DSCAM: variants seen among roughly 807,000 people sequenced by gnomAD.
DSCAM encodes the protein DS cell adhesion molecule, also known as cell adhesion molecule DSCAM.
Under a neutral mutation model 217.7 loss-of-function variants are expected in DSCAM, and 47 were observed. That is an observed-to-expected ratio of 0.22 (90% confidence interval 0.17 to 0.28). The LOEUF is 0.28. Among genes scored for constraint, DSCAM ranks in the 10% least tolerant of loss-of-function variants. The pLI is 1.00. For synonymous variants in DSCAM, 1,056 were observed against 1,015.3 expected (o/e 1.04, Z -0.76); for missense variants, 2,080 against 2,618.3 (o/e 0.79, Z 4.49).
intron 11 of DSCAM, among the ~76,000 whole-genome samples, chr21:40,265,254 C>T (rs962331554): frequency 2.0e-5 from 3 of 149,302 alleles, no homozygotes; most frequent in Admixed American, 6.7e-5. Context: ...GAAAATAAAA[C>T]ACTTTATTTT....
intron 3 of DSCAM, among the ~76,000 whole-genome samples, chr21:40,493,102 A>C (rs1226614465): frequency 6.6e-6 from 1 of 152,202 alleles, no homozygotes; most frequent in Non-Finnish European, 1.5e-5. Context: ...TGAAAGAAAA[A>C]ACTGCCAATT....
At chr21:40,749,615 G>C (rs138705576) in intron 1 of DSCAM, among the ~76,000 whole-genome samples, 3 of 152,274 alleles carry the variant, frequency 2.0e-5, no homozygotes, top group African/African-American at 7.2e-5. Flanking sequence ...GCTCTTCCAC[G>C]CTGTTGGTGA....
At chr21:40,828,490 T>G (rs2091987446) in intron 1 of DSCAM, among the ~76,000 whole-genome samples, 1 of 152,024 alleles carries the variant, frequency 6.6e-6, no homozygotes, top group Non-Finnish European at 1.5e-5. Context: ...CCCCCACCCA[T>G]GAGCTGTCAT....
chr21:40,342,648 A>ATTTTTT lies in DSCAM; in HGVS notation c.1211-3239_1211-3234dup, dbSNP rs1202355440. On this transcript the variant is annotated intron_variant, in intron 6 of 32. Transcript: ENST00000400454. The stretch of plus-strand genomic sequence containing the variant: ...TGTGTATATATATATATATATATAT[A>ATTTTTT]TTTTTTTTTTTTTTTTGAGACAGTG... Among the ~76,000 whole-genome samples, 85 of 80,312 alleles carry ATTTTTT rather than the reference A, an allele frequency of 1.1e-3. 1 individual carries two copies. The highest frequency in any genetic ancestry group is 4.7e-3 in the South Asian group (9 of 1,922). The allele number at this position is 80,312 out of a possible 152,430, so 52.7% of individuals were successfully genotyped here. A position where few individuals can be genotyped will look rare whatever the true frequency, so the allele number is the denominator to read the frequency against.
At chr21:40,317,015 G>A (rs1018753281) in intron 8 of DSCAM, among the ~76,000 whole-genome samples, 6 of 152,252 alleles carry the variant, frequency 3.9e-5, no homozygotes, top group South Asian at 4.2e-4. Context: ...TTAGCTCTGC[G>A]ATTCTATCTC....
At chr21:40,718,905 C>T (rs1373996308) in intron 1 of DSCAM, among the ~76,000 whole-genome samples, 10 of 152,186 alleles carry the variant, frequency 6.6e-5, no homozygotes, top group South Asian at 4.1e-4. Flanking sequence ...GTGTGTGGCT[C>T]GCTTGAGCCC....
rs117649471 is a variant in DSCAM at position 40,568,169 on chromosome 21, A to C, written c.508+124641T>G. ...GTACCACCCCCTTCTTCCTGTATCA[A>C]ATTCTTTTCTAAGTCACAACATCTT... On this transcript the variant is annotated intron_variant, in intron 3 of 32. Transcript: ENST00000400454. Among the ~76,000 whole-genome samples, 641 of 152,318 alleles carry C rather than the reference A, an allele frequency of 4.2e-3. 4 individuals carry two copies. Among genetic ancestry groups the C allele is most frequent in the Middle Eastern group, 0.01 (3 of 294 alleles).
intron 3 of DSCAM, among the ~76,000 whole-genome samples, chr21:40,602,117 G>C (rs1387982423): frequency 1.4e-5 from 2 of 139,726 alleles, no homozygotes; most frequent in Non-Finnish European, 3.0e-5. Flanking sequence ...CTGGAGTGCA[G>C]TGGCTAGATC....
At position 40,179,032 on chromosome 21, in the gene DSCAM, T is replaced by C; in HGVS notation, c.2842A>G (p.Ile948Val). The C allele has an allele frequency of 6.2e-7, 1 of 1,614,062 alleles. No individual in the cohort carries two copies. Among genetic ancestry groups the C allele is most frequent in the Non-Finnish European group, 8.5e-7 (1 of 1,180,010 alleles). ...TAGGTGGAGGAAGGGTGGATATCAA[T>C]GATGGTGGCCGAGTTCAGCTGAGGG... Reference protein sequence around the residue: ...VSPQLNSATIIDIHPSSTYSI... With the variant: ...VSPQLNSATIVDIHPSSTYSI... The change falls in exon 15 of 33, where the codon ATT becomes GTT. Residue 948 changes from isoleucine (I) to valine (V), a missense_variant. By Grantham distance (29) the Ile-to-Val change is conservative. Around this residue, in one of 5 missense-constraint regions of DSCAM, gnomAD observed 1,144 missense variants for 1,421.1 expected, o/e 0.81. Transcript: ENST00000400454.
intron 3 of DSCAM, among the ~76,000 whole-genome samples, chr21:40,691,474 G>A (rs979250900): frequency 6.6e-5 from 10 of 152,202 alleles, no homozygotes; most frequent in African/African-American, 2.4e-4. Context: ...AGCTTAGCCA[G>A]ATGACTGTCA....
chr21:40,729,416 A>G (rs1050476405), intron 1 of DSCAM, among the ~76,000 whole-genome samples: 1 of 152,184 alleles, frequency 6.6e-6, no homozygotes, highest in South Asian at 2.1e-4. Flanking sequence ...CCCACTTAAA[A>G]CACCTTTGAT....
At chr21:40,266,672 A>ATATATATAT (rs1422997672) in intron 11 of DSCAM, among the ~76,000 whole-genome samples, 4 of 45,004 alleles carry the variant, frequency 8.9e-5, no homozygotes, top group African/African-American at 2.6e-4. Flanking sequence ...TATATATATA[A>ATATATATAT]TCTTGAAATT....
intron 27 of DSCAM, among the ~76,000 whole-genome samples, chr21:40,073,238 A>C (rs1243893173): frequency 6.6e-6 from 1 of 152,212 alleles, no homozygotes; most frequent in Non-Finnish European, 1.5e-5. Flanking sequence ...GAAAAGAAGA[A>C]AAAGTGAATT....
At chr21:40,093,663 G>T (rs540671432) in intron 21 of DSCAM, 58 bp downstream of exon 21, 140 of 1,580,098 alleles carry the variant, frequency 8.9e-5, no homozygotes, top group Non-Finnish European at 1.1e-4. Flanking sequence ...AGGTAAAATA[G>T]AGACTTAAAA....
At chr21:40,691,686 G>A (rs1302824009) in intron 3 of DSCAM, among the ~76,000 whole-genome samples, 2 of 152,176 alleles carry the variant, frequency 1.3e-5, no homozygotes, top group African/African-American at 4.8e-5. Context: ...ATAACAGCAA[G>A]GAATGTACTG....
intron 3 of DSCAM, among the ~76,000 whole-genome samples, chr21:40,388,315 G>T (rs982413491): frequency 6.6e-6 from 1 of 152,082 alleles, no homozygotes; most frequent in African/African-American, 2.4e-5. Flanking sequence ...AAATATGATT[G>T]ATATAAAAAG....
intron 1 of DSCAM, among the ~76,000 whole-genome samples, chr21:40,718,350 T>C (rs2090865707): frequency 6.6e-6 from 1 of 152,210 alleles, no homozygotes; most frequent in African/African-American, 2.4e-5. Context: ...TAGTTTGTTT[T>C]CACACTGCTA....
At chr21:40,458,605 G>A (rs1045445577) in intron 3 of DSCAM, among the ~76,000 whole-genome samples, 3 of 152,068 alleles carry the variant, frequency 2.0e-5, no homozygotes, top group Non-Finnish European at 4.4e-5. Flanking sequence ...TTTGAAAACA[G>A]AATCATGTTA....
chr21:40,563,613 C>CAATAA (rs2076739328), intron 3 of DSCAM, among the ~76,000 whole-genome samples: 1 of 92,072 alleles, frequency 1.1e-5, no homozygotes, highest in South Asian at 3.2e-4. Flanking sequence ...TATATGTTTA[C>CAATAA]ATGTTTATAT....
Sources: gnomAD v4.1 joint callset for allele counts (sites outside exome capture counted in the v4.1 genomes callset) on GRCh38, gnomAD v4.1.1 for gene constraint, gnomAD v4.1.1 regional missense constraint, MANE v1.5 for transcripts, NCBI Gene and HGNC (gene_info 2026-07-23, HGNC 2026-07-21) for gene names.